Variants in ZNF200 observed in about 807,000 individuals in gnomAD.
ZNF200 encodes the protein zinc finger protein 200.
Under a neutral mutation model 33.6 loss-of-function variants are expected in ZNF200, and 35 were observed. That is an observed-to-expected ratio of 1.04 (90% CI 0.80 to 1.38). The LOEUF (loss-of-function observed/expected upper bound fraction) is 1.38, where lower values mean the gene tolerates loss of function less well. ZNF200 is among the 40% of genes most tolerant of loss of function. The pLI is 0.00. For synonymous variants in ZNF200, 209 were observed against 167.7 expected (o/e 1.25, Z -1.90); for missense variants, 592 against 470.6 (o/e 1.26, Z -2.39).
chr16:3,225,942 T>C (rs1958457658), intron 4 of ZNF200: 1 of 151,638 alleles, frequency 6.6e-6, no homozygotes, highest in South Asian at 2.1e-4. Flanking sequence ...GATAGGGTCT[T>C]GCTATGTTGC....
At chr16:3,229,613 A>G (rs903439336) in intron 4 of ZNF200, among the ~76,000 whole-genome samples, 13 of 152,238 alleles carry the variant, frequency 8.5e-5, no homozygotes, top group Non-Finnish European at 1.5e-4. Context: ...AGAGTATAGA[A>G]AAAGAAGGTT....
At chr16:3,232,079 C>A (rs912554831) in intron 4 of ZNF200, among the ~76,000 whole-genome samples, 5 of 152,118 alleles carry the variant, frequency 3.3e-5, no homozygotes, top group African/African-American at 1.2e-4. Context: ...AGGGGGATTA[C>A]AAGAGTTAGT....
Position 3,224,006 on chromosome 16 carries a change from A to G in ZNF200, c.1074T>C (p.His358=), listed in dbSNP as rs952464912. 7.4e-6 allele frequency: 12 copies of G among 1,614,006 alleles called. No individual in the cohort carries two copies. The highest frequency in any genetic ancestry group is 2.5e-6 in the Non-Finnish European group (3 of 1,180,036). The change falls in exon 5 of 5, where the codon CAT becomes CAC. Residue 358 remains histidine, a synonymous_variant. Transcript: ENST00000414144. The stretch of plus-strand genomic sequence containing the variant: ...TGCAACCATATGGTCTCTCAGCCTC[A>G]TGACTCTGCAGATGAAGCACAAACT... The part of the protein sequence containing the change: ...NEEFVLHLQS[H]EAERPYGCKK...
At position 3,222,943 on chromosome 16, in the gene ZNF200, C is replaced by G. The variant is rs1463008939; in HGVS notation, c.*949G>C. On this transcript the variant is annotated 3_prime_UTR_variant, in exon 5 of 5. Transcript: ENST00000414144. ...CCCATTGCCAAAGGTCTGATGACAGCATAGAGGGGACCTAAGCATATGGTA... is the reference window on the plus strand; with the variant it reads ...CCCATTGCCAAAGGTCTGATGACAGGATAGAGGGGACCTAAGCATATGGTA... 3 of 152,256 alleles carry G rather than the reference C, an allele frequency of 2.0e-5. No homozygotes were observed. The highest frequency in any genetic ancestry group is 4.4e-5 in the Non-Finnish European group (3 of 68,052). 9.4% of individuals were successfully genotyped at this position (152,256 alleles called of 1,614,324 possible). A position where few individuals can be genotyped will look rare whatever the true frequency, so the allele number is the denominator to read the frequency against.
chr16:3,233,063 C>A (rs972008228), intron 2 of ZNF200, 142 bp from the exon 3 acceptor site: 13 of 692,214 alleles, frequency 1.9e-5, no homozygotes, highest in East Asian at 2.7e-5. Flanking sequence ...TTATAGAGTT[C>A]AAGCCATAAA....
intron 4 of ZNF200, among the ~76,000 whole-genome samples, chr16:3,232,128 AAC>A (rs1372861450): frequency 3.3e-5 from 5 of 152,152 alleles, no homozygotes; most frequent in Non-Finnish European, 7.3e-5. Context: ...ACCTGTTGAG[AAC>A]AGAGTTCAGA....
chr16:3,231,702 T>C (rs112244381), intron 4 of ZNF200, among the ~76,000 whole-genome samples: 1 of 152,232 alleles, frequency 6.6e-6, no homozygotes, highest in African/African-American at 2.4e-5. Flanking sequence ...ACGGAATTCA[T>C]TGACAAAATT....
intron 3 of ZNF200, 130 bp downstream of exon 3, chr16:3,232,703 G>T: frequency 7.1e-7 from 1 of 1,416,604 alleles, no homozygotes; most frequent in Non-Finnish European, 9.7e-7. Context: ...GCCAGGCTGA[G>T]AAGGGCTCAA....
Position 3,233,720 on chromosome 16 carries a change from C to T in ZNF200, c.36G>A (p.Lys12=), listed in dbSNP as rs778856293. The change falls in exon 2 of 5, where the codon AAG becomes AAA. Residue 12 remains lysine, a synonymous_variant. Coordinates refer to ENST00000414144, the MANE Select transcript of ZNF200 (RefSeq NM_198088.3). ...CTCTCAGTATAAAGGACTGCTTTGG[C>T]TTTGGGGGCATAGGAACCACTTTTG... ...MAAKVVPMPP[K]PKQSFILRVP... 3.1e-6 allele frequency: 5 copies of T among 1,612,956 alleles called. No homozygotes were observed. Among genetic ancestry groups the T allele is most frequent in the South Asian group, 2.2e-5 (2 of 90,994 alleles).
intron 4 of ZNF200, chr16:3,227,406 G>T (rs1484867787): frequency 6.6e-6 from 1 of 152,120 alleles, no homozygotes; most frequent in Non-Finnish European, 1.5e-5. Context: ...TGATCCATGT[G>T]GACTTTTTCT....
chr16:3,232,807 G>A, intron 3 of ZNF200, 26 bp downstream of exon 3: 4 of 1,607,382 alleles, frequency 2.5e-6, no homozygotes, highest in Non-Finnish European at 3.4e-6. Context: ...ATGGATTCAG[G>A]CAGTAAATGG....
chr16:3,224,627 A>T lies in ZNF200; in HGVS notation c.467-14T>A. ...TGCCATTGACTGCTGAAACAAAGAG[A>T]GAATTTAACAACTTCTGAGAGATAT... On this transcript the variant is annotated splice_polypyrimidine_tract_variant and intron_variant, in intron 4 of 4. Transcript: ENST00000414144. 1 of 1,567,962 alleles carries T rather than the reference A, an allele frequency of 6.4e-7. No homozygotes were observed. The highest frequency in any genetic ancestry group is 8.6e-7 in the Non-Finnish European group (1 of 1,158,732).
At chr16:3,227,874 A>C (rs1958512938) in intron 4 of ZNF200, 1 of 152,132 alleles carries the variant, frequency 6.6e-6, no homozygotes, top group African/African-American at 2.4e-5. Context: ...TCACACACTA[A>C]ACTCCCATGT....
Position 3,223,951 on chromosome 16 carries a change from A to G in ZNF200, c.1129T>C (p.Ser377Pro). ...GTTTTCTCATGCCGGGTACAGTTTG[A>G]CAGCCGACCAAATCTTCTCCCACAT... is the stretch of plus-strand genomic sequence containing the variant. ...KKCGRRFGRL[S>P]NCTRHEKTHS... is the part of the protein sequence containing the mutation. The change falls in exon 5 of 5, where the codon TCA becomes CCA. Residue 377 changes from serine (S) to proline (P), a missense_variant. Coordinates refer to ENST00000414144, the MANE Select transcript of ZNF200 (RefSeq NM_198088.3). 3 of 1,614,096 alleles carry G rather than the reference A, an allele frequency of 1.9e-6. No homozygotes were observed. The highest frequency in any genetic ancestry group is 2.5e-6 in the Non-Finnish European group (3 of 1,180,022).
chr16:3,231,182 C>G (rs961923947), intron 4 of ZNF200, among the ~76,000 whole-genome samples: 2 of 152,156 alleles, frequency 1.3e-5, no homozygotes, highest in African/African-American at 2.4e-5. Context: ...TCGAAGTGAT[C>G]TTGGAGGCAA....
At chr16:3,232,608 T>C in intron 3 of ZNF200, 61 bp from the exon 4 acceptor site, 4 of 1,588,754 alleles carry the variant, frequency 2.5e-6, no homozygotes, top group Admixed American at 3.6e-5. Context: ...GCCCTACTGG[T>C]AAGAAAAGCT....
rs1412155301 is a variant in ZNF200, at chr16:3,233,621, T to C, written c.135A>G (p.Leu45=). 4 of 1,613,804 alleles carry C rather than the reference T, an allele frequency of 2.5e-6. No individual in the cohort carries two copies. Among genetic ancestry groups the C allele is most frequent in the Non-Finnish European group, 3.4e-6 (4 of 1,179,984 alleles). Residue 45 remains leucine, a synonymous_variant, in exon 2 of 5, where the codon CTA becomes CTG. Coordinates refer to ENST00000414144, the MANE Select transcript of ZNF200 (RefSeq NM_198088.3). The part of the protein sequence containing the change: ...ATNGPKTIHQ[L]VLEHFLTFLP... Reference sequence around the variant, plus strand: ...AGAAGGTGAGGAAGTGCTCCAGCACTAGCTGGTGGATGGTCTTGGGCCCGT... The same window carrying C: ...AGAAGGTGAGGAAGTGCTCCAGCACCAGCTGGTGGATGGTCTTGGGCCCGT...
intron 4 of ZNF200, among the ~76,000 whole-genome samples, chr16:3,231,594 C>T (rs1453468968): frequency 2.6e-5 from 4 of 152,222 alleles, no homozygotes; most frequent in Non-Finnish European, 5.9e-5. Flanking sequence ...TATAGAGAGG[C>T]TGCTGCTTGA....
chr16:3,233,961 A>G (rs1958719515), intron 1 of ZNF200, 125 bp from the exon 2 acceptor site: 9 of 649,794 alleles, frequency 1.4e-5, no homozygotes, highest in Non-Finnish European at 2.2e-5. Context: ...TAGGGAAATC[A>G]TAACTGAAAC....
Sources: gnomAD v4.1 joint callset for allele counts (sites outside exome capture counted in the v4.1 genomes callset) on GRCh38, gnomAD v4.1.1 for gene constraint, MANE v1.5 for transcripts, NCBI Gene and HGNC (gene_info 2026-07-23, HGNC 2026-07-21) for gene names.